Variants in MCTP2 observed in about 807,000 individuals in gnomAD.
MCTP2 encodes multiple C2 and transmembrane domain containing 2.
MCTP2 carries 132 observed loss-of-function variants against 111.6 expected under a neutral mutation model. The observed-to-expected ratio is 1.18, with a 90% CI of 1.03 to 1.37. MCTP2 has a LOEUF of 1.37. Ranked by LOEUF, MCTP2 falls within the 40% of genes most tolerant of loss-of-function variation. The pLI, the probability that MCTP2 is intolerant of heterozygous loss-of-function variation, is 0.00. For missense variants in MCTP2, 1,183 were observed against 1,067.9 expected (o/e 1.11, Z -1.50); for synonymous variants, 395 against 387.7 (o/e 1.02, Z -0.22).
intron 19 of MCTP2, among the ~76,000 whole-genome samples, chr15:94,449,269 C>T (rs1347267100): frequency 6.6e-6 from 1 of 152,124 alleles, no homozygotes; most frequent in African/African-American, 2.4e-5. Context: ...TTGCAGGCTG[C>T]TTTTATGTGC....
intron 1 of MCTP2, among the ~76,000 whole-genome samples, chr15:94,254,337 A>T (rs1367026229): frequency 6.6e-6 from 1 of 152,188 alleles, no homozygotes; most frequent in Non-Finnish European, 1.5e-5. Flanking sequence ...AATCTAGCCT[A>T]AGGTATAAGC....
chr15:94,356,817 A>T (rs1222838614), intron 9 of MCTP2, among the ~76,000 whole-genome samples: 1 of 152,208 alleles, frequency 6.6e-6, no homozygotes, highest in Non-Finnish European at 1.5e-5. Context: ...TTAAACAAAC[A>T]TAATGGCATT....
intron 1 of MCTP2, among the ~76,000 whole-genome samples, chr15:94,255,733 G>C (rs903076107): frequency 1.3e-5 from 2 of 152,132 alleles, no homozygotes; most frequent in Non-Finnish European, 2.9e-5. Flanking sequence ...TTCTGAAGCC[G>C]AGGCAGTTTC....
intron 1 of MCTP2, among the ~76,000 whole-genome samples, chr15:94,290,892 C>T (rs570216258): frequency 6.6e-6 from 1 of 152,264 alleles, no homozygotes; most frequent in East Asian, 1.9e-4. Flanking sequence ...AACAGAGCTT[C>T]AAAATACAGA....
intron 19 of MCTP2, among the ~76,000 whole-genome samples, chr15:94,450,138 C>G (rs1471305562): frequency 6.6e-6 from 1 of 151,364 alleles, no homozygotes; most frequent in African/African-American, 2.4e-5. Flanking sequence ...TGGTAAATAC[C>G]AGTACAGTAA....
chr15:94,403,156 G>C, intron 17 of MCTP2: 1 of 985,252 alleles, frequency 1.0e-6, no homozygotes. Flanking sequence ...TCGGTGTAGA[G>C]GACCTATGCT....
At chr15:94,325,734 A>G (rs1172911165) in intron 4 of MCTP2, among the ~76,000 whole-genome samples, 1 of 151,510 alleles carries the variant, frequency 6.6e-6, no homozygotes, top group African/African-American at 2.4e-5. Context: ...ATGCCCCTTC[A>G]TGAGTAAAAC....
intron 1 of MCTP2, 59 bp from the exon 2 acceptor site, chr15:94,298,142 A>G: frequency 2.8e-6 from 2 of 719,252 alleles, no homozygotes; most frequent in South Asian, 2.2e-5. Flanking sequence ...TGCCACCAAG[A>G]AGGTTCATGT....
At chr15:94,476,893 G>C (rs1479740236) in intron 22 of MCTP2, 100 bp downstream of exon 22, 2 of 707,146 alleles carry the variant, frequency 2.8e-6, no homozygotes, top group South Asian at 3.5e-5. Context: ...GAGTAATTGA[G>C]ATAAGGAACC....
chr15:94,250,937 T>G (rs1313274082), intron 1 of MCTP2, among the ~76,000 whole-genome samples: 1 of 152,230 alleles, frequency 6.6e-6, no homozygotes, highest in Non-Finnish European at 1.5e-5. Context: ...AGAAAATGTC[T>G]TATCTAAATG....
intron 19 of MCTP2, among the ~76,000 whole-genome samples, chr15:94,456,257 C>T (rs1233780663): frequency 1.3e-5 from 2 of 152,096 alleles, no homozygotes; most frequent in East Asian, 1.9e-4. Context: ...TCATGAGCAT[C>T]GTTATTTTGG....
intron 4 of MCTP2, among the ~76,000 whole-genome samples, chr15:94,320,141 CTTTT>C (rs71135503): frequency 1.7e-5 from 2 of 117,960 alleles, no homozygotes; most frequent in Non-Finnish European, 1.8e-5. Flanking sequence ...GTTTATTAAT[CTTTT>C]TTTTTTTTTT....
intron 17 of MCTP2, among the ~76,000 whole-genome samples, chr15:94,426,140 TTGAG>T (rs2082878491): frequency 1.7e-5 from 1 of 59,508 alleles, no homozygotes; most frequent in Non-Finnish European, 3.0e-5. Context: ...GAGAGAGAGA[TTGAG>T]AGAGAGAGAG....
At chr15:94,314,860 G>T (rs1219325967) in intron 3 of MCTP2, 1 of 443,378 alleles carries the variant, frequency 2.3e-6, no homozygotes, top group East Asian at 7.0e-5. Context: ...CTGAGTTGCG[G>T]GAAGGTGAGA....
Position 94,381,682 on chromosome 15 carries a change from C to T in MCTP2, c.1583-2340C>T, listed in dbSNP as rs79053098. 7.9e-5 allele frequency among the ~76,000 whole-genome samples: 12 copies of T among 152,326 alleles called. No homozygotes were observed. The East Asian group carries it at 1.5e-3, about 20-fold the overall frequency. On this transcript the variant is annotated intron_variant, in intron 12 of 22. Coordinates refer to ENST00000357742, the MANE Select transcript of MCTP2 (RefSeq NM_001385001.1). ...TGACACCTACTAATAGTCTGACAAA[C>T]GGTTAAGTAGCTGTTTCAGCCTGGG...
intron 2 of MCTP2, among the ~76,000 whole-genome samples, chr15:94,299,629 T>A (rs1218379075): frequency 1.3e-5 from 2 of 152,256 alleles, no homozygotes; most frequent in Non-Finnish European, 2.9e-5. Flanking sequence ...TTTAAGTGAC[T>A]GATGTAATTA....
chr15:94,377,310 C>T (rs189400487), intron 12 of MCTP2, among the ~76,000 whole-genome samples: 6 of 152,284 alleles, frequency 3.9e-5, no homozygotes, highest in Middle Eastern at 3.4e-3. Context: ...CGTGATTGAA[C>T]GTTTTTAATT....
At chr15:94,464,246 A>ATATATATATATTATATATATATATATAT (rs2085405361) in intron 20 of MCTP2, among the ~76,000 whole-genome samples, 3 of 60,396 alleles carry the variant, frequency 5.0e-5, no homozygotes, top group African/African-American at 2.0e-4. Context: ...TATAATATAT[A>ATATATATATATTATATATATATATATAT]TATATATATA....
intron 1 of MCTP2, among the ~76,000 whole-genome samples, chr15:94,240,129 C>T (rs541227063): frequency 1.3e-5 from 2 of 152,174 alleles, no homozygotes; most frequent in African/African-American, 4.8e-5. Flanking sequence ...TTACAGGACA[C>T]ACAGATTTAG....
Sources: gnomAD v4.1 joint callset for allele counts (sites outside exome capture counted in the v4.1 genomes callset) on GRCh38, gnomAD v4.1.1 for gene constraint, MANE v1.5 for transcripts, NCBI Gene and HGNC (gene_info 2026-07-23, HGNC 2026-07-21) for gene names.